Variants in SCAPER observed in about 807,000 individuals in gnomAD.
The protein encoded by SCAPER is S-phase cyclin A associated protein in the ER, also known as S phase cyclin A-associated protein in the endoplasmic reticulum.
SCAPER carries 98 observed loss-of-function variants against 182.2 expected under a neutral mutation model. The ratio of observed to expected loss-of-function variants is 0.54; its 90% CI spans 0.46 to 0.64. The LOEUF (loss-of-function observed/expected upper bound fraction) is 0.64, where lower values mean the gene tolerates loss of function less well. Ranked by LOEUF, SCAPER falls within the 30% of genes least tolerant of loss-of-function variation. SCAPER has a pLI of 0.00. For missense variants in SCAPER, 1,432 were observed against 1,690.0 expected (o/e 0.85, Z 2.68); for synonymous variants, 605 against 564.6 (o/e 1.07, Z -1.01).
intron 17 of SCAPER, among the ~76,000 whole-genome samples, chr15:76,724,830 A>AT (rs924575114): frequency 6.6e-6 from 1 of 151,644 alleles, no homozygotes; most frequent in Non-Finnish European, 1.5e-5. Flanking sequence ...CATTCGTCTA[A>AT]TTTTTTTTCA....
intron 4 of SCAPER, among the ~76,000 whole-genome samples, chr15:76,852,758 A>G (rs1021057024): frequency 1.3e-5 from 2 of 152,166 alleles, no homozygotes; most frequent in African/African-American, 4.8e-5. Context: ...CAAATTAACA[A>G]TCTAACATCA....
At chr15:76,568,583 C>T (rs1260285406) in intron 23 of SCAPER, among the ~76,000 whole-genome samples, 1 of 152,086 alleles carries the variant, frequency 6.6e-6, no homozygotes, top group Admixed American at 6.6e-5. Context: ...TCTTGAATTC[C>T]TGTCATCAAG....
intron 27 of SCAPER, among the ~76,000 whole-genome samples, chr15:76,382,366 AT>A (rs10709753): frequency 0.46 from 67,225 of 145,216 alleles, 15,894 homozygotes; most frequent in East Asian, 0.59. Flanking sequence ...TTTTTCTTTT[AT>A]TTTTTTTTTT....
intron 17 of SCAPER, among the ~76,000 whole-genome samples, chr15:76,724,060 C>A (rs1044463488): frequency 6.6e-6 from 1 of 152,078 alleles, no homozygotes; most frequent in Non-Finnish European, 1.5e-5. Context: ...GTGGGTGGTA[C>A]CGGTTGTTCC....
chr15:76,397,130 C>T (rs2044120946), intron 27 of SCAPER, among the ~76,000 whole-genome samples: 2 of 151,244 alleles, frequency 1.3e-5, no homozygotes, highest in African/African-American at 4.9e-5. Flanking sequence ...ATGTATCACA[C>T]TGACTAATTT....
chr15:76,468,137 T>C (rs1442989935), intron 25 of SCAPER, among the ~76,000 whole-genome samples: 3 of 151,992 alleles, frequency 2.0e-5, no homozygotes, highest in Admixed American at 1.3e-4. Flanking sequence ...GCAAGAAAAA[T>C]GAAAATACAC....
chr15:76,795,906 C>A (rs2065290460), intron 7 of SCAPER, among the ~76,000 whole-genome samples: 1 of 151,990 alleles, frequency 6.6e-6, no homozygotes, highest in African/African-American at 2.4e-5. Flanking sequence ...TACTAAATAA[C>A]AAAAATTAGC....
intron 22 of SCAPER, among the ~76,000 whole-genome samples, chr15:76,618,612 TTTA>T (rs762210277): frequency 2.0e-5 from 3 of 152,200 alleles, no homozygotes; most frequent in Admixed American, 6.5e-5. Flanking sequence ...AACATTATTA[TTTA>T]TTATTTTCTC....
chr15:76,501,459 T>G (rs2041114115), intron 24 of SCAPER, among the ~76,000 whole-genome samples: 1 of 151,406 alleles, frequency 6.6e-6, no homozygotes, highest in Admixed American at 6.6e-5. Flanking sequence ...TAAAAAGATA[T>G]GAACAGGATG....
At chr15:76,661,704 G>A (rs773826289) in intron 21 of SCAPER, among the ~76,000 whole-genome samples, 1 of 152,204 alleles carries the variant, frequency 6.6e-6, no homozygotes, top group Non-Finnish European at 1.5e-5. Flanking sequence ...AGGCTGTGAA[G>A]AAATAGGAAT....
intron 5 of SCAPER, among the ~76,000 whole-genome samples, chr15:76,820,074 A>G (rs570853829): frequency 1.3e-5 from 2 of 152,246 alleles, no homozygotes; most frequent in South Asian, 2.1e-4. Flanking sequence ...GTGATCATTA[A>G]AAAGTCAGGA....
chr15:76,443,298 GA>G (rs1261212424), intron 25 of SCAPER, among the ~76,000 whole-genome samples: 1 of 152,216 alleles, frequency 6.6e-6, no homozygotes, highest in Non-Finnish European at 1.5e-5. Flanking sequence ...CATGTCTGAA[GA>G]GGCTCTAGTT....
chr15:76,662,637 T>A (rs1483798063), intron 21 of SCAPER, among the ~76,000 whole-genome samples: 1 of 152,210 alleles, frequency 6.6e-6, no homozygotes, highest in East Asian at 1.9e-4. Flanking sequence ...AACTTAGACA[T>A]CAATGGAATG....
At position 76,766,932 on chromosome 15, in the gene SCAPER, C is replaced by T. The variant is rs1456040886; in HGVS notation, c.1405G>A (p.Asp469Asn). The change falls in exon 11 of 32, where the codon GAC becomes AAC. Residue 469 changes from aspartate to asparagine, a missense_variant. Asp to Asn is a conservative substitution (Grantham distance 23). This residue lies in a region of SCAPER where 128 missense variants were observed against 149.9 expected (regional missense o/e 0.85). Transcript: ENST00000563290. ...NNDINIETDN[D>N]SDFSASMGSG... ...TAAAAGCTCACAGAAAAATCACTGT[C>T]GTTGTCAGTTTCAATGTTAATATCA... The T allele has an allele frequency of 8.1e-6, 13 of 1,596,138 alleles. No homozygotes were observed. Among genetic ancestry groups the T allele is most frequent in the Non-Finnish European group, 7.7e-6 (9 of 1,175,496 alleles).
intron 5 of SCAPER, among the ~76,000 whole-genome samples, chr15:76,812,288 TG>T (rs2066683797): frequency 6.6e-6 from 1 of 151,548 alleles, no homozygotes; most frequent in Non-Finnish European, 1.5e-5. Flanking sequence ...CACCCCAGCC[TG>T]GGTGACAAAG....
At chr15:76,781,595 A>C (rs2064144235) in intron 8 of SCAPER, among the ~76,000 whole-genome samples, 1 of 152,230 alleles carries the variant, frequency 6.6e-6, no homozygotes, top group African/African-American at 2.4e-5. Context: ...TGTCAGATTC[A>C]TCAAGGTTGA....
At position 76,859,047 on chromosome 15, in the gene SCAPER, A is replaced by C. The variant is rs11855501; in HGVS notation, c.125-1168T>G. ...TTTTCAACTCTTTGAGTAATCACCA[A>C]AAGTGCTTTCCACAATGGCCAAACT... On this transcript the variant is annotated intron_variant, in intron 3 of 31. Coordinates refer to ENST00000563290, the MANE Select transcript of SCAPER (RefSeq NM_020843.4). Among the ~76,000 whole-genome samples the C allele has an allele frequency of 8.1e-3, 1,230 of 152,340 alleles. 13 individuals are homozygous for C. The highest frequency in any genetic ancestry group is 0.028 in the African/African-American group (1,166 of 41,570).
At chr15:76,770,928 AC>A (rs2063431949) in intron 10 of SCAPER, among the ~76,000 whole-genome samples, 1 of 152,052 alleles carries the variant, frequency 6.6e-6, no homozygotes, top group Non-Finnish European at 1.5e-5. Context: ...TTTCCTTTTT[AC>A]CCTTAAACAA....
At chr15:76,476,595 ATTTTT>A (rs5813839) in intron 24 of SCAPER, among the ~76,000 whole-genome samples, 13 of 73,496 alleles carry the variant, frequency 1.8e-4, no homozygotes, top group East Asian at 9.8e-4. Context: ...CACCCAGCTA[ATTTTT>A]TTTTTTTTTT....
Sources: allele counts gnomAD v4.1 joint callset (sites outside exome capture counted in the v4.1 genomes callset), GRCh38; gene constraint gnomAD v4.1.1; regional missense constraint gnomAD v4.1.1; transcripts MANE v1.5; gene names NCBI Gene and HGNC (gene_info 2026-07-23, HGNC 2026-07-21).